Variants in AKAP8L observed in about 807,000 individuals in gnomAD.
The protein encoded by AKAP8L is A-kinase anchor protein 8-like.
In AKAP8L, 34 loss-of-function variants were observed where a neutral mutation model predicts 77.5. The observed-to-expected ratio is 0.44, with a 90% CI of 0.33 to 0.58. AKAP8L has a LOEUF of 0.58. Ranked by LOEUF, AKAP8L falls within the 20% of genes least tolerant of loss-of-function variation. The pLI, the probability that AKAP8L is intolerant of heterozygous loss-of-function variation, is 0.02. For missense variants in AKAP8L, 806 were observed against 887.6 expected (o/e 0.91, Z 1.17); for synonymous variants, 342 against 340.7 (o/e 1.00, Z -0.04).
intron 12 of AKAP8L, among the ~76,000 whole-genome samples, chr19:15,396,464 T>C (rs1967778348): frequency 6.6e-6 from 1 of 152,220 alleles, no homozygotes; most frequent in African/African-American, 2.4e-5. Flanking sequence ...CTCATTCTCT[T>C]GCCTTATGTT....
rs1306954194 is a variant in AKAP8L, at chr19:15,380,310, C to T, written c.1753G>A (p.Val585Met). 1.3e-6 allele frequency: 2 copies of T among 1,532,834 alleles called. No homozygotes were observed. Among genetic ancestry groups the T allele is most frequent in the South Asian group, 2.4e-5 (2 of 83,754 alleles). The allele number at this position is 1,532,834 out of a possible 1,614,324, so 95.0% of individuals were successfully genotyped here. ...AAGISEGAEG[V>M]PAQPPVPPEP... ...GGGGGCACGGGAGGCTGCGCCGGCA[C>T]GCCCTCTGCGCCCTCCGAGATCCCT... is the stretch of plus-strand genomic sequence containing the variant. Residue 585 changes from valine (V) to methionine (M), a missense_variant, in exon 14 of 14, where the codon GTG becomes ATG. Transcript: ENST00000397410.
At chr19:15,390,418 C>CAAAA (rs34396645) in intron 12 of AKAP8L, among the ~76,000 whole-genome samples, 1 of 109,324 alleles carries the variant, frequency 9.1e-6, no homozygotes, top group Admixed American at 9.7e-5. Context: ...GACCCTGTCT[C>CAAAA]AAAAAAAAAA....
chr19:15,409,623 C>G (rs1254538817), intron 2 of AKAP8L, among the ~76,000 whole-genome samples: 1 of 152,188 alleles, frequency 6.6e-6, no homozygotes, highest in African/African-American at 2.4e-5. Flanking sequence ...GGCTCCTTCT[C>G]AACAGATACC....
chr19:15,383,187 A>T (rs1967454607), intron 12 of AKAP8L: 1 of 152,210 alleles, frequency 6.6e-6, no homozygotes, highest in Non-Finnish European at 1.5e-5. Flanking sequence ...TGGAGAGGTT[A>T]GTGCTAATAC....
At chr19:15,400,069 A>C (rs1225785047) in intron 8 of AKAP8L, 1 of 594,806 alleles carries the variant, frequency 1.7e-6, no homozygotes. Context: ...CCAGTGTGCT[A>C]GGCAGGGGTC....
chr19:15,397,271 A>G lies in AKAP8L; in HGVS notation c.1415T>C (p.Met472Thr). The change falls in exon 12 of 14, where the codon ATG (methionine) becomes ACG (threonine). Residue 472 changes from methionine to threonine, a missense_variant. Around this residue, in one of 2 missense-constraint regions of AKAP8L, gnomAD observed 580 missense variants for 694.1 expected, o/e 0.84. Transcript: ENST00000397410. This position sits in a 1 kb window ranked among gnomAD's most constrained non-coding sequence, Gnocchi z 4.7. ...RDQDLTQEIA[M>T]EHFVKKVEAA... ...CTCCACCTTCTTCACAAAATGCTCC[A>G]TGGCAATTTCTGTAGTGGGGAGGAG... The G allele has an allele frequency of 6.2e-7, 1 of 1,613,952 alleles. No individual in the cohort carries two copies. The highest frequency in any genetic ancestry group is 8.5e-7 in the Non-Finnish European group (1 of 1,179,894).
At chr19:15,385,207 G>C (rs1033596958) in intron 12 of AKAP8L, among the ~76,000 whole-genome samples, 2 of 151,926 alleles carry the variant, frequency 1.3e-5, no homozygotes, top group Non-Finnish European at 2.9e-5. Flanking sequence ...TCGATCTCCT[G>C]ACCTCGTGAT....
chr19:15,393,255 G>A (rs1164634312), intron 12 of AKAP8L, among the ~76,000 whole-genome samples: 1 of 151,932 alleles, frequency 6.6e-6, no homozygotes, highest in Non-Finnish European at 1.5e-5. Flanking sequence ...AAAACACAGG[G>A]GTAAATCTTC....
intron 2 of AKAP8L, among the ~76,000 whole-genome samples, chr19:15,408,650 G>A (rs1464640085): frequency 4.6e-5 from 7 of 151,524 alleles, no homozygotes; most frequent in African/African-American, 1.2e-4. Context: ...TTGGGAGGCC[G>A]AGGCGGGAGG....
intron 12 of AKAP8L, among the ~76,000 whole-genome samples, chr19:15,393,181 A>G (rs1253979316): frequency 6.6e-6 from 1 of 152,130 alleles, no homozygotes; most frequent in East Asian, 1.9e-4. Context: ...TACGATATAA[A>G]TAAATTAACT....
rs985947291 is a variant in AKAP8L at position 15,397,459 on chromosome 19, C to T, written c.1405+61G>A. 1.6e-5 allele frequency: 25 copies of T among 1,533,922 alleles called. No homozygotes were observed. In the African/African-American group the frequency reaches 1.8e-4, roughly 11 times the overall value. ...ACAGAAGGGTGTCCTGACCCTGCAC[C>T]GAAAATCAGGAGTGCAGGCTGAGGC... On this transcript the variant is annotated intron_variant, in intron 11 of 13. Transcript: ENST00000397410. The surrounding 1 kb of genome is among the most constrained non-coding windows in gnomAD (Gnocchi z 4.7).
rs117205900 is a variant in AKAP8L at position 15,402,372 on chromosome 19, C to T, written c.363-769G>A. On this transcript the variant is annotated intron_variant, in intron 4 of 13. Coordinates refer to ENST00000397410, the MANE Select transcript of AKAP8L (RefSeq NM_014371.4). ...GCCTGGACCCCACACACCTCACAGG[C>T]ACAGGGGCTCCCCTTGCACACTCTT... Among the ~76,000 whole-genome samples the T allele has an allele frequency of 4.7e-3, 712 of 152,264 alleles. 4 individuals carry two copies. The highest frequency in any genetic ancestry group is 8.6e-3 in the Non-Finnish European group (583 of 68,010).
chr19:15,380,331 T>G lies in AKAP8L; in HGVS notation c.1732A>C (p.Ile578Leu). 1 of 1,540,696 alleles carries G rather than the reference T, an allele frequency of 6.5e-7. No individual in the cohort carries two copies. Among genetic ancestry groups the G allele is most frequent in the Non-Finnish European group, 8.7e-7 (1 of 1,148,012 alleles). Residue 578 changes from isoleucine to leucine, a missense_variant, in exon 14 of 14, where the codon ATC becomes CTC. Transcript: ENST00000397410. ...DEGAQGEAAG[I>L]SEGAEGVPAQ... ...GGCACGCCCTCTGCGCCCTCCGAGA[T>G]CCCTGCCGCTTCGCCCTGCGCCCCC...
Position 15,410,595 on chromosome 19 carries a change from CTAAACA to C in AKAP8L, c.14-7_14-2del, listed in dbSNP as rs901692104. On this transcript the variant is annotated splice_acceptor_variant and splice_polypyrimidine_tract_variant and intron_variant, in intron 1 of 13. Coordinates refer to ENST00000397410, the MANE Select transcript of AKAP8L (RefSeq NM_014371.4). LOFTEE classifies it high-confidence loss of function. ...GTGGTTTCAGATCCCTGGACAAAGC[CTAAACA>C]TAAAGACAGTGGGGTTAATTTCCAC... 7.6e-6 allele frequency: 12 copies of C among 1,588,126 alleles called. No individual in the cohort carries two copies. Among genetic ancestry groups the C allele is most frequent in the Non-Finnish European group, 8.6e-6 (10 of 1,166,924 alleles).
intron 12 of AKAP8L, among the ~76,000 whole-genome samples, chr19:15,395,123 G>A (rs1376553623): frequency 6.6e-6 from 1 of 151,900 alleles, no homozygotes; most frequent in African/African-American, 2.4e-5. Context: ...TCTGCCTCCT[G>A]GGTTCACGCC....
chr19:15,400,431 A>C, intron 7 of AKAP8L, 73 bp from the exon 8 acceptor site: 1 of 1,448,160 alleles, frequency 6.9e-7, no homozygotes, highest in Admixed American at 1.8e-5. Context: ...AGTTTATTAG[A>C]GCAACGGTAT....
chr19:15,397,656 G>A lies in AKAP8L; in HGVS notation c.1300-31C>T, dbSNP rs748495634. ...AGGAATATAAAGGTTCATGTGGGCC[G>A]CCTTATGTTCTCAGGGGTCCAAGAA... On this transcript the variant is annotated intron_variant, in intron 10 of 13. Coordinates refer to ENST00000397410, the MANE Select transcript of AKAP8L (RefSeq NM_014371.4). The surrounding 1 kb of genome is among the most constrained non-coding windows in gnomAD (Gnocchi z 4.7). The A allele has an allele frequency of 2.3e-5, 37 of 1,613,716 alleles. No homozygotes were observed. Among genetic ancestry groups the A allele is most frequent in the Non-Finnish European group, 3.0e-5 (35 of 1,179,770 alleles).
intron 1 of AKAP8L, among the ~76,000 whole-genome samples, chr19:15,413,430 T>C (rs1186395003): frequency 1.3e-5 from 2 of 152,204 alleles, no homozygotes; most frequent in East Asian, 1.9e-4. Context: ...TGAACCCAGC[T>C]TCATCTTCAC....
At chr19:15,388,644 G>A (rs1967590729) in intron 12 of AKAP8L, among the ~76,000 whole-genome samples, 1 of 152,140 alleles carries the variant, frequency 6.6e-6, no homozygotes. Flanking sequence ...GGCCGGGTGC[G>A]GTGGCTCACG....
Sources: gnomAD v4.1 joint callset for allele counts (sites outside exome capture counted in the v4.1 genomes callset) on GRCh38, gnomAD v4.1.1 for gene constraint, gnomAD v4.1.1 regional missense constraint, Gnocchi (gnomAD v3.1) non-coding constraint, MANE v1.5 for transcripts, NCBI Gene and HGNC (gene_info 2026-07-23, HGNC 2026-07-21) for gene names.